The following WASHC2A variants were observed in gnomAD, a reference collection of about 807,000 sequenced individuals.
The protein encoded by WASHC2A is WASH complex subunit 2A.
In WASHC2A, 82 loss-of-function variants were observed where a neutral mutation model predicts 140.3. The observed-to-expected ratio is 0.58, with a 90% confidence interval of 0.49 to 0.70. The LOEUF (loss-of-function observed/expected upper bound fraction) is 0.70, where lower values mean the gene tolerates loss of function less well. WASHC2A is among the 30% of genes least tolerant of loss of function. The pLI is 0.00. For missense variants in WASHC2A, 985 were observed against 1,521.8 expected, an observed-to-expected ratio of 0.65 and a Z score of 5.87; for synonymous variants, 340 against 560.8, an observed-to-expected ratio of 0.61 and a Z score of 5.56.
chr10:50,099,131 A>T (rs1374053611), intron 16 of WASHC2A, among the ~76,000 whole-genome samples: 1 of 151,924 alleles, frequency 6.6e-6, no homozygotes, highest in African/African-American at 2.4e-5. Context: ...TATTTTTTTA[A>T]TTCTATATTT....
chr10:50,098,306 G>C (rs1223166705), intron 16 of WASHC2A, among the ~76,000 whole-genome samples: 1 of 151,848 alleles, frequency 6.6e-6, no homozygotes, highest in Non-Finnish European at 1.5e-5. Context: ...AAATTATCTC[G>C]CATATAGTTC....
intron 7 of WASHC2A, among the ~76,000 whole-genome samples, chr10:50,085,875 A>T (rs1250268574): frequency 6.6e-6 from 1 of 151,862 alleles, no homozygotes; most frequent in African/African-American, 2.4e-5. Context: ...TCTGCCTGGG[A>T]TATAGTCTTT....
intron 11 of WASHC2A, among the ~76,000 whole-genome samples, chr10:50,092,976 C>G (rs1382831029): frequency 3.1e-5 from 3 of 97,870 alleles, no homozygotes; most frequent in Non-Finnish European, 6.5e-5. Flanking sequence ...GGCGTCTGAC[C>G]CGAATGCTTG....
chr10:50,067,989 C>G lies in WASHC2A; in HGVS notation c.-17C>G. 3 of 1,604,660 alleles carry G rather than the reference C, an allele frequency of 1.9e-6. No homozygotes were observed. Among genetic ancestry groups the G allele is most frequent in the Non-Finnish European group, 1.7e-6 (2 of 1,176,958 alleles). On this transcript the variant is annotated 5_prime_UTR_variant, in exon 1 of 31. Coordinates refer to ENST00000282633, the MANE Select transcript of WASHC2A (RefSeq NM_001005751.3). Reference sequence around the variant, plus strand: ...GTGTGCTGGCAGCTTCGGAGCCCACCGAGCCGGGCGGCTAGGATGGTGAGG... The same window carrying G: ...GTGTGCTGGCAGCTTCGGAGCCCACGGAGCCGGGCGGCTAGGATGGTGAGG...
In WASHC2A at chr10:50,127,165, A is replaced by G; in HGVS notation, c.2817A>G (p.Ser939=). 6.2e-7 allele frequency: 1 copy of G among 1,612,078 alleles called. No individual in the cohort carries two copies. The highest frequency in any genetic ancestry group is 1.3e-5 in the African/African-American group (1 of 74,992). The change falls in exon 27 of 31, where the codon TCA becomes TCG. Residue 939 remains serine (S), a synonymous_variant. Coordinates refer to ENST00000282633, the MANE Select transcript of WASHC2A (RefSeq NM_001005751.3). The part of the protein sequence containing the change: ...GIWKPETPQD[S]SGLAPFKTKE... ...CTGGATGTAATTTTACACAGGACTCATCAGGTCTCGCTCCATTTAAAACCA... is the reference window on the plus strand; with the variant it reads ...CTGGATGTAATTTTACACAGGACTCGTCAGGTCTCGCTCCATTTAAAACCA...
Position 50,116,068 on chromosome 10 carries a change from GTT to G in WASHC2A, c.2143-1837_2143-1836del. Among the ~76,000 whole-genome samples, 3 of 109,852 alleles carry G rather than the reference GTT, an allele frequency of 2.7e-5. No homozygotes were observed. The East Asian group carries it at 8.9e-4, about 33-fold the overall frequency. The allele number at this position is 109,852 out of a possible 152,430, so 72.1% of individuals were successfully genotyped here. A position where few individuals can be genotyped will look rare whatever the true frequency, so the allele number is the denominator to read the frequency against. On this transcript the variant is annotated intron_variant, in intron 21 of 30. Coordinates refer to ENST00000282633, the MANE Select transcript of WASHC2A (RefSeq NM_001005751.3). ...GAGATGGATTTTGCAGTGAGCTGAG[GTT>G]GTGCCAGTGCACTCCAGCCTGGGCA...
Position 50,126,114 on chromosome 10 carries a change from C to T in WASHC2A, c.2746C>T (p.Gln916Ter), listed in dbSNP as rs1156276197. ...CCACTCTGTTGACTCTTTCAAAAAC[C>T]AGAAACATCCTGAATCCATTCAAGG... Reference protein sequence around the residue: ...KDHSVDSFKNQKHPESIQGSK... With the variant: ...KDHSVDSFKN Residue 916 changes from glutamine to a stop codon, truncating the protein, a stop_gained, in exon 26 of 31, where the codon CAG becomes TAG. Coordinates refer to ENST00000282633, the MANE Select transcript of WASHC2A (RefSeq NM_001005751.3). LOFTEE classifies it high-confidence loss of function. 5 of 1,613,466 alleles carry T rather than the reference C, an allele frequency of 3.1e-6. No individual in the cohort carries two copies. Among genetic ancestry groups the T allele is most frequent in the African/African-American group, 2.7e-5 (2 of 74,758 alleles).
intron 3 of WASHC2A, among the ~76,000 whole-genome samples, chr10:50,075,913 CTTAT>C (rs1312681219): frequency 5.9e-5 from 9 of 151,478 alleles, no homozygotes; most frequent in Admixed American, 3.9e-4. Flanking sequence ...TTATCTTTTA[CTTAT>C]TTATTTATTT....
chr10:50,074,833 G>T (rs528968027), intron 3 of WASHC2A, among the ~76,000 whole-genome samples: 266 of 152,216 alleles, frequency 1.7e-3, no homozygotes, highest in Non-Finnish European at 2.6e-3. Flanking sequence ...GGAGAAGGGC[G>T]TGAACCCGGG....
chr10:50,124,199 G>A (rs1324903586), intron 23 of WASHC2A, among the ~76,000 whole-genome samples: 1 of 151,998 alleles, frequency 6.6e-6, no homozygotes, highest in African/African-American at 2.4e-5. Context: ...CTGCCTCCCA[G>A]GTTCAAGGAT....
chr10:50,100,731 G>A (rs1288311632), intron 17 of WASHC2A, among the ~76,000 whole-genome samples: 2 of 152,272 alleles, frequency 1.3e-5, no homozygotes, highest in Non-Finnish European at 2.9e-5. Flanking sequence ...ATGCCTTAAC[G>A]CTGTAGCAGA....
Position 50,100,059 on chromosome 10 carries a change from T to G in WASHC2A, c.1630T>G (p.Ser544Ala). The G allele has an allele frequency of 6.5e-7, 1 of 1,538,406 alleles. No individual in the cohort carries two copies. The highest frequency in any genetic ancestry group is 8.8e-7 in the Non-Finnish European group (1 of 1,140,010). The change falls in exon 17 of 31, where the codon TCT (serine) becomes GCT (alanine). Residue 544 changes from serine to alanine, a missense_variant. Ser to Ala is a moderately conservative substitution (Grantham distance 99). Transcript: ENST00000282633. ...QKGLFSDEED[S>A]EDLFSSQSAS... is the part of the protein sequence containing the mutation. ...AGGCTTATTTTCAGATGAGGAGGAC[T>G]CTGAGGTATGGAATTCTTTTGCTTA...
intron 17 of WASHC2A, among the ~76,000 whole-genome samples, 186 bp downstream of exon 17, chr10:50,100,250 A>G (rs1424510834): frequency 6.6e-6 from 1 of 152,108 alleles, no homozygotes; most frequent in Non-Finnish European, 1.5e-5. Context: ...TGGTAGGCCA[A>G]GGCAGGCGGA....
chr10:50,094,778 C>T (rs1467892204), intron 13 of WASHC2A, among the ~76,000 whole-genome samples: 1 of 150,970 alleles, frequency 6.6e-6, no homozygotes, highest in African/African-American at 2.4e-5. Flanking sequence ...CTTTTTCACC[C>T]GTTCATTCTC....
chr10:50,089,823 C>T (rs1355089663), intron 8 of WASHC2A, among the ~76,000 whole-genome samples: 1 of 152,024 alleles, frequency 6.6e-6, no homozygotes, highest in Non-Finnish European at 1.5e-5. Flanking sequence ...CATGGTGGCT[C>T]ACGCCTGTAA....
At chr10:50,083,029 G>C (rs1340555368) in intron 5 of WASHC2A, among the ~76,000 whole-genome samples, 1 of 115,070 alleles carries the variant, frequency 8.7e-6, no homozygotes, top group African/African-American at 3.7e-5. Context: ...TCAGAGTTTC[G>C]CTCTTGTTGC....
intron 16 of WASHC2A, 118 bp downstream of exon 16, chr10:50,097,920 G>A (rs1840650797): frequency 3.3e-6 from 5 of 1,515,496 alleles, no homozygotes. Context: ...ACTTCAAACA[G>A]AAAGTGGAAA....
chr10:50,104,276 A>T, intron 18 of WASHC2A, 133 bp downstream of exon 18: 1 of 648,546 alleles, frequency 1.5e-6, no homozygotes, highest in Non-Finnish European at 2.7e-6. Flanking sequence ...AGTTTATATA[A>T]CAAAAATATT....
intron 3 of WASHC2A, among the ~76,000 whole-genome samples, chr10:50,073,188 G>A (rs1278288757): frequency 6.6e-6 from 1 of 152,062 alleles, no homozygotes; most frequent in Non-Finnish European, 1.5e-5. Context: ...AATAGCAAGT[G>A]CCATAGTTAA....
Sources: allele counts gnomAD v4.1 joint callset (sites outside exome capture counted in the v4.1 genomes callset), GRCh38; gene constraint gnomAD v4.1.1; transcripts MANE v1.5; gene names NCBI Gene and HGNC (gene_info 2026-07-23, HGNC 2026-07-21).